RHOBTB1: variants seen among roughly 807,000 people sequenced by gnomAD.
RHOBTB1 encodes the protein rho-related BTB domain-containing protein 1.
RHOBTB1 carries 40 observed loss-of-function variants against 71.6 expected under a neutral mutation model. The ratio of observed to expected loss-of-function variants is 0.56; its 90% confidence interval spans 0.43 to 0.73. The LOEUF (loss-of-function observed/expected upper bound fraction) is 0.73. Ranked by LOEUF, RHOBTB1 falls within the 30% of genes least tolerant of loss-of-function variation. The probability of loss-of-function intolerance (pLI) is 0.00; values close to 1 mark genes in which losing one functional copy is unlikely to be tolerated. For missense variants in RHOBTB1, 797 were observed against 894.0 expected, an observed-to-expected ratio of 0.89 and a Z score of 1.38; for synonymous variants, 319 against 334.9, an observed-to-expected ratio of 0.95 and a Z score of 0.52.
At chr10:60,886,974 T>C (rs2081615403) in intron 6 of RHOBTB1, among the ~76,000 whole-genome samples, 1 of 152,028 alleles carries the variant, frequency 6.6e-6, no homozygotes, top group South Asian at 2.1e-4. Context: ...AACCATACTA[T>C]GATTACACCT....
Position 60,910,104 on chromosome 10 carries a change from G to A in RHOBTB1, c.296+783C>T, listed in dbSNP as rs190142897. On this transcript the variant is annotated intron_variant, in intron 4 of 10. Transcript: ENST00000337910. ...GAGACAACAAGGCCATGATATCTAC[G>A]TTCTACACTGAAAATGAAATGTGTT... Among the ~76,000 whole-genome samples the A allele has an allele frequency of 8.5e-5, 13 of 152,182 alleles. No individual in the cohort carries two copies. The East Asian group carries it at 2.1e-3, about 25-fold the overall frequency.
intron 7 of RHOBTB1, among the ~76,000 whole-genome samples, chr10:60,879,188 G>T (rs865813154): frequency 6.6e-6 from 1 of 152,130 alleles, no homozygotes; most frequent in Non-Finnish European, 1.5e-5. Flanking sequence ...AGTATGATGC[G>T]AAAGTGTATG....
intron 7 of RHOBTB1, among the ~76,000 whole-genome samples, chr10:60,882,573 A>C (rs901547439): frequency 8.6e-5 from 13 of 150,758 alleles, no homozygotes; most frequent in African/African-American, 2.4e-4. Context: ...GGATATGCAC[A>C]TTAATTCTAT....
chr10:60,983,120 G>A (rs968629210), intron 2 of RHOBTB1, among the ~76,000 whole-genome samples: 17 of 152,004 alleles, frequency 1.1e-4, no homozygotes, highest in African/African-American at 4.1e-4. Flanking sequence ...CCATTATGGA[G>A]GAATATTATG....
intron 2 of RHOBTB1, among the ~76,000 whole-genome samples, chr10:60,952,337 A>T (rs2085441255): frequency 6.6e-6 from 1 of 152,150 alleles, no homozygotes; most frequent in African/African-American, 2.4e-5. Flanking sequence ...AGTGCACATG[A>T]TAATAATAAA....
At chr10:60,949,370 T>G (rs912726023) in intron 2 of RHOBTB1, among the ~76,000 whole-genome samples, 3 of 152,202 alleles carry the variant, frequency 2.0e-5, no homozygotes, top group Admixed American at 2.0e-4. Context: ...TGAAAGAATC[T>G]GTGTGTTCGT....
chr10:60,920,638 AGTTTTGTTTTGTTTT>A lies in RHOBTB1; in HGVS notation c.-10-9101_-10-9087del, dbSNP rs572223910. On this transcript the variant is annotated intron_variant, in intron 2 of 10. Transcript: ENST00000337910. ...CTGATTTGCTTTTTTTTTTTTTTTA[AGTTTTGTTTTGTTTT>A]GTTTTGTTTTGTTTTGAGTCAAAGC... Among the ~76,000 whole-genome samples the A allele has an allele frequency of 1.5e-3, 215 of 146,484 alleles. 1 individual carries two copies. Among genetic ancestry groups the A allele is most frequent in the African/African-American group, 5.2e-3 (205 of 39,514 alleles).
Position 60,968,002 on chromosome 10 carries a change from G to A in RHOBTB1, c.-62+17843C>T, listed in dbSNP as rs192799622. Among the ~76,000 whole-genome samples the A allele has an allele frequency of 1.3e-4, 20 of 152,098 alleles. No individual in the cohort carries two copies. The South Asian group carries it at 2.3e-3, about 17-fold the overall frequency. On this transcript the variant is annotated intron_variant, in intron 2 of 11. Coordinates refer to the RHOBTB1 transcript ENST00000357917. ...GAATTTAGCGCTGGAGGGAAAGAAG[G>A]GAGCAGAGGGACTGCAGTCCTAGGA...
At chr10:60,905,179 G>T (rs1230173703) in intron 4 of RHOBTB1, among the ~76,000 whole-genome samples, 1 of 151,462 alleles carries the variant, frequency 6.6e-6, no homozygotes, top group Non-Finnish European at 1.5e-5. Flanking sequence ...GGCTGGGCAT[G>T]GTAGCTCATG....
chr10:60,893,056 T>C (rs1198515018), intron 4 of RHOBTB1, 61 bp from the exon 5 acceptor site: 44 of 1,314,026 alleles, frequency 3.3e-5, no homozygotes, highest in Non-Finnish European at 4.6e-5. Context: ...CTTTTACCAT[T>C]ATGGTTCCTC....
downstream of RHOBTB1, among the ~76,000 whole-genome samples, chr10:60,866,814 A>G (rs371581332): frequency 1.5e-4 from 22 of 147,398 alleles, no homozygotes; most frequent in South Asian, 6.3e-4. Flanking sequence ...TTACTTTACC[A>G]TAGCTCCTAT....
chr10:60,918,232 T>C lies in RHOBTB1; in HGVS notation c.-10-6680A>G, dbSNP rs1449613303. On this transcript the variant is annotated intron_variant, in intron 2 of 10. Transcript: ENST00000337910. ...CCCCTAATTTAATGGTGACTCTCTC[T>C]GAGGGCAACCCATTGGAAAAATAGG... 5.3e-5 allele frequency among the ~76,000 whole-genome samples: 8 copies of C among 152,356 alleles called. No homozygotes were observed. In the East Asian group the frequency reaches 1.5e-3, roughly 29 times the overall value.
At chr10:60,894,128 C>G (rs1159459625) in intron 4 of RHOBTB1, among the ~76,000 whole-genome samples, 2 of 152,170 alleles carry the variant, frequency 1.3e-5, no homozygotes, top group African/African-American at 4.8e-5. Flanking sequence ...AGCTTCCCCC[C>G]CTACATATCA....
chr10:60,875,843 T>C (rs916066292), intron 8 of RHOBTB1, among the ~76,000 whole-genome samples: 1 of 152,194 alleles, frequency 6.6e-6, no homozygotes, highest in Non-Finnish European at 1.5e-5. Flanking sequence ...AGGCCATCTC[T>C]TGCCTTTGTA....
rs145421331 is a variant in RHOBTB1 at position 60,915,315 on chromosome 10, G to A, written c.-10-3763C>T. 6.6e-5 allele frequency among the ~76,000 whole-genome samples: 10 copies of A among 152,038 alleles called. No individual in the cohort carries two copies. The East Asian group carries it at 9.7e-4, about 15-fold the overall frequency. On this transcript the variant is annotated intron_variant, in intron 2 of 10. Transcript: ENST00000337910. ...TGTCTGGTTTCTGATTTTTATTTAC[G>A]TAGAATGAGAGTAATAAGTATTATT...
intron 2 of RHOBTB1, among the ~76,000 whole-genome samples, chr10:60,964,421 A>G (rs2085889906): frequency 6.6e-6 from 1 of 152,138 alleles, no homozygotes; most frequent in African/African-American, 2.4e-5. Context: ...CATCTCATCC[A>G]ATCAACTTGT....
At chr10:60,904,552 T>C (rs2082568191) in intron 4 of RHOBTB1, among the ~76,000 whole-genome samples, 1 of 152,182 alleles carries the variant, frequency 6.6e-6, no homozygotes, top group Admixed American at 6.5e-5. Flanking sequence ...TGGCGTCCCT[T>C]ACTCAAAAGC....
chr10:60,878,248 A>G (rs2081139657), intron 7 of RHOBTB1, among the ~76,000 whole-genome samples, 190 bp from the exon 8 acceptor site: 1 of 152,230 alleles, frequency 6.6e-6, no homozygotes, highest in Non-Finnish European at 1.5e-5. Flanking sequence ...TGTAGTTGAC[A>G]AAAGAGTGGA....
rs190910245 is a variant in RHOBTB1, at chr10:60,950,108, C to T, written c.-61-8254G>A. On this transcript the variant is annotated intron_variant, in intron 2 of 11. Transcript: ENST00000357917. ...ATGGTGTTCCACTGGTCTAGCTCAA[C>T]ATGCATAAGAGGAGGTAGCAAACAG... 4.2e-3 allele frequency among the ~76,000 whole-genome samples: 638 copies of T among 152,290 alleles called. 1 individual carries two copies. The highest frequency in any genetic ancestry group is 7.1e-3 in the Non-Finnish European group (481 of 68,022).
Sources: allele counts gnomAD v4.1 joint callset (sites outside exome capture counted in the v4.1 genomes callset), GRCh38; gene constraint gnomAD v4.1.1; transcripts MANE v1.5; gene names NCBI Gene and HGNC (gene_info 2026-07-23, HGNC 2026-07-21).